HROB: variants seen among roughly 807,000 people sequenced by gnomAD.
HROB encodes the protein homologous recombination OB-fold protein.
Under a neutral mutation model 61.0 loss-of-function variants are expected in HROB, and 44 were observed. That is an observed-to-expected ratio of 0.72 (90% CI 0.57 to 0.93). The LOEUF is 0.93. Among genes scored for constraint, HROB ranks in the 40% least tolerant of loss-of-function variants. HROB has a pLI of 0.00. For synonymous variants in HROB, 301 were observed against 310.4 expected (o/e 0.97, Z 0.32); for missense variants, 716 against 796.2 (o/e 0.90, Z 1.21).
At chr17:44,158,649 T>G (rs1396046057) in intron 9 of HROB, among the ~76,000 whole-genome samples, 1 of 46,732 alleles carries the variant, frequency 2.1e-5, no homozygotes, top group East Asian at 3.7e-3. Context: ...TGCCCAGCAA[T>G]TTTTTTTTTT....
intron 1 of HROB, among the ~76,000 whole-genome samples, chr17:44,143,497 T>A (rs2053520567): frequency 6.6e-6 from 1 of 151,354 alleles, no homozygotes. Context: ...CAAAAAAAAA[T>A]AGCCAGGCAT....
At position 44,148,828 on chromosome 17, in the gene HROB, C is replaced by T. The variant is rs139569104; in HGVS notation, c.1025C>T (p.Pro342Leu). ...SGLFPRIPLQ[P>L]QAPVSSIGSP... ...TTATTTCCTCGGATACCCTTACAACCGCAAGCTCCAGTGTCTTCCATTGGG... is the reference window on the plus strand; with the variant it reads ...TTATTTCCTCGGATACCCTTACAACTGCAAGCTCCAGTGTCTTCCATTGGG... The change falls in exon 3 of 10, where the codon CCG becomes CTG. Residue 342 changes from proline to leucine, a missense_variant. Coordinates refer to ENST00000585683, the MANE Select transcript of HROB (RefSeq NM_001171251.3). 31 of 1,614,088 alleles carry T rather than the reference C, an allele frequency of 1.9e-5. No homozygotes were observed. Among genetic ancestry groups the T allele is most frequent in the East Asian group, 4.5e-5 (2 of 44,902 alleles).
At chr17:44,159,454 C>T (rs576853019) in intron 9 of HROB, among the ~76,000 whole-genome samples, 20 of 152,310 alleles carry the variant, frequency 1.3e-4, no homozygotes, top group Admixed American at 6.5e-4. Context: ...TGGGTTTTCT[C>T]TTCGTATGCA....
Position 44,152,841 on chromosome 17 carries a change from G to GC in HROB, c.1449+67dup, listed in dbSNP as rs377234124. On this transcript the variant is annotated intron_variant, in intron 5 of 9. Transcript: ENST00000585683. ...TTTTTCTCCCTCTCTCTGACCTACT[G>GC]CCCTACTCCACCTTAGGAAGGGGCT... is the stretch of plus-strand genomic sequence containing the variant. 1.3e-5 allele frequency: 20 copies of GC among 1,572,758 alleles called. No homozygotes were observed. The African/African-American group carries it at 1.5e-4, about 12-fold the overall frequency.
intron 8 of HROB, among the ~76,000 whole-genome samples, chr17:44,156,676 T>TA (rs1476728600): frequency 1.3e-5 from 2 of 151,870 alleles, no homozygotes; most frequent in Admixed American, 6.6e-5. Context: ...TTTATTTTTT[T>TA]TTTTTGAAAT....
chr17:44,157,401 G>GTTTCT (rs1567723033), intron 8 of HROB, among the ~76,000 whole-genome samples: 9 of 106,120 alleles, frequency 8.5e-5, no homozygotes, highest in African/African-American at 3.6e-4. Flanking sequence ...CTTCCATCAT[G>GTTTCT]TTTCTTTTTT....
At chr17:44,156,757 G>T (rs1018431403) in intron 8 of HROB, among the ~76,000 whole-genome samples, 1 of 151,888 alleles carries the variant, frequency 6.6e-6, no homozygotes, top group African/African-American at 2.4e-5. Flanking sequence ...TCACCTCCCG[G>T]GTTCAAGTGA....
chr17:44,156,231 C>A (rs1336290291), intron 8 of HROB, among the ~76,000 whole-genome samples: 1 of 151,984 alleles, frequency 6.6e-6, no homozygotes, highest in African/African-American at 2.4e-5. Flanking sequence ...CTTTCTTTTT[C>A]TTTCTTTTCT....
intron 8 of HROB, 76 bp downstream of exon 8, chr17:44,155,487 C>T: frequency 1.9e-6 from 3 of 1,580,290 alleles, no homozygotes; most frequent in Non-Finnish European, 2.6e-6. Context: ...TTCCTCTCTT[C>T]CACCCTGGGG....
At position 44,162,242 on chromosome 17, in the gene HROB, GC is replaced by G; in HGVS notation, c.*312del. 1 of 330,482 alleles carries G rather than the reference GC, an allele frequency of 3.0e-6. No individual in the cohort carries two copies. Among genetic ancestry groups the G allele is most frequent in the South Asian group, 3.6e-5 (1 of 27,940 alleles). 20.5% of individuals were successfully genotyped at this position (330,482 alleles called of 1,614,324 possible). A position where few individuals can be genotyped will look rare whatever the true frequency, so the allele number is the denominator to read the frequency against. Reference sequence around the variant, plus strand: ...TCAGCTTAATTTTAGAGGATATTGGGCCTGGTTTTCTTGTCCCTTCATACCC... The same window carrying G: ...TCAGCTTAATTTTAGAGGATATTGGGCTGGTTTTCTTGTCCCTTCATACCC... On this transcript the variant is annotated 3_prime_UTR_variant, in exon 10 of 10. Transcript: ENST00000585683.
At chr17:44,147,254 TCTC>T (rs1323240989) in intron 2 of HROB, among the ~76,000 whole-genome samples, 2 of 151,986 alleles carry the variant, frequency 1.3e-5, no homozygotes, top group African/African-American at 2.4e-5. Flanking sequence ...CTCCTGCTGT[TCTC>T]CTCTAACTGC....
intron 6 of HROB, 82 bp downstream of exon 6, chr17:44,154,746 C>A: frequency 6.3e-7 from 1 of 1,592,296 alleles, no homozygotes; most frequent in East Asian, 2.2e-5. Flanking sequence ...TCTCCCTTTG[C>A]AGACAGGAAA....
At chr17:44,145,717 T>A (rs2053590851) in intron 2 of HROB, among the ~76,000 whole-genome samples, 1 of 152,244 alleles carries the variant, frequency 6.6e-6, no homozygotes, top group South Asian at 2.1e-4. Flanking sequence ...CTGCCTCAGA[T>A]GTTCTTCCCT....
intron 9 of HROB, 21 bp from the exon 10 acceptor site, chr17:44,161,850 C>T (rs753724970): frequency 6.2e-7 from 1 of 1,611,396 alleles, no homozygotes; most frequent in African/African-American, 1.3e-5. Context: ...CTAAGGCTAC[C>T]CATCATTCCC....
In HROB at chr17:44,149,158, G is replaced by T. The variant is rs1480977521; in HGVS notation, c.1224+131G>T. 7.2e-6 allele frequency: 7 copies of T among 975,088 alleles called. No individual in the cohort carries two copies. The East Asian group carries it at 1.3e-4, about 18-fold the overall frequency. The allele number at this position is 975,088 out of a possible 1,614,324, so 60.4% of individuals were successfully genotyped here. A position where few individuals can be genotyped will look rare whatever the true frequency, so the allele number is the denominator to read the frequency against. On this transcript the variant is annotated intron_variant, in intron 3 of 9. Coordinates refer to ENST00000585683, the MANE Select transcript of HROB (RefSeq NM_001171251.3). ...AAGTGCAGAGAGGCTTTTCAAAGCT[G>T]CAGGAGAAATAAAAGGGAAGAACTG...
chr17:44,155,659 G>A (rs1331811407), intron 8 of HROB, among the ~76,000 whole-genome samples: 1 of 152,176 alleles, frequency 6.6e-6, no homozygotes, highest in Non-Finnish European at 1.5e-5. Flanking sequence ...TGGCAGGCTT[G>A]AACATCTGAG....
chr17:44,149,301 TGCAGTGGCGCAATC>T, intron 3 of HROB, among the ~76,000 whole-genome samples: 1 of 151,542 alleles, frequency 6.6e-6, no homozygotes, highest in Non-Finnish European at 1.5e-5. Flanking sequence ...CAGGCTGGAG[TGCAGTGGCGCAATC>T]TCAGCTCACT....
chr17:44,158,155 C>T (rs1225554560), intron 9 of HROB, among the ~76,000 whole-genome samples: 1 of 152,180 alleles, frequency 6.6e-6, no homozygotes, highest in Non-Finnish European at 1.5e-5. Context: ...AAGTGTCATC[C>T]ACAGGTTTCC....
chr17:44,141,974 C>G lies in HROB; in HGVS notation c.-169C>G, dbSNP rs965658962. On this transcript the variant is annotated 5_prime_UTR_variant, in exon 1 of 10. Transcript: ENST00000585683. ...GCGGCCTAAGGCGCCTGCCGCCAGTCTCCTGGCGACTTTCCCTATATCGCA... is the reference window on the plus strand; with the variant it reads ...GCGGCCTAAGGCGCCTGCCGCCAGTGTCCTGGCGACTTTCCCTATATCGCA... 7 of 950,516 alleles carry G rather than the reference C, an allele frequency of 7.4e-6. No homozygotes were observed. In the East Asian group the frequency reaches 1.9e-4, roughly 26 times the overall value. The allele number at this position is 950,516 out of a possible 1,614,324, so 58.9% of individuals were successfully genotyped here. A position where few individuals can be genotyped will look rare whatever the true frequency, so the allele number is the denominator to read the frequency against.
Sources: gnomAD v4.1 joint callset for allele counts (sites outside exome capture counted in the v4.1 genomes callset) on GRCh38, gnomAD v4.1.1 for gene constraint, MANE v1.5 for transcripts, NCBI Gene and HGNC (gene_info 2026-07-23, HGNC 2026-07-21) for gene names.